Variants in LCORL observed in about 807,000 individuals in gnomAD.
LCORL encodes the protein ligand-dependent nuclear receptor corepressor-like protein.
In LCORL, 41 loss-of-function variants were observed where a neutral mutation model predicts 141.8. The observed-to-expected ratio is 0.29, with a 90% CI of 0.23 to 0.38. The LOEUF (loss-of-function observed/expected upper bound fraction) is 0.38, where lower values mean the gene tolerates loss of function less well. LCORL is among the 10% of genes least tolerant of loss of function. The pLI, the probability that LCORL is intolerant of heterozygous loss-of-function variation, is 1.00. For synonymous variants in LCORL, 618 were observed against 694.1 expected (o/e 0.89, Z 1.72); for missense variants, 1,759 against 2,035.0 (o/e 0.86, Z 2.61).
intron 7 of LCORL, among the ~76,000 whole-genome samples, chr4:17,872,251 A>C (rs1726433374): frequency 6.6e-6 from 1 of 152,076 alleles, no homozygotes; most frequent in African/African-American, 2.4e-5. Flanking sequence ...CTTATCAATA[A>C]GAAGAGCTGG....
chr4:18,010,386 A>ATG (rs752687793), intron 1 of LCORL, among the ~76,000 whole-genome samples: 2 of 142,796 alleles, frequency 1.4e-5, no homozygotes, highest in Admixed American at 6.9e-5. Context: ...ACATATATAT[A>ATG]TGTGTGTGTG....
intron 5 of LCORL, chr4:17,893,681 T>TA: frequency 8.4e-6 from 6 of 710,598 alleles, no homozygotes; most frequent in Non-Finnish European, 1.0e-5. Context: ...AATGCATAAT[T>TA]TGCATTGAAA....
intron 4 of LCORL, among the ~76,000 whole-genome samples, chr4:17,940,334 T>C (rs986760438): frequency 4.6e-5 from 5 of 109,836 alleles, no homozygotes; most frequent in Admixed American, 2.3e-4. Flanking sequence ...AGGACTCCTC[T>C]GTCAGTGTGG....
chr4:17,854,096 C>T (rs1479424356), intron 7 of LCORL, among the ~76,000 whole-genome samples: 1 of 152,026 alleles, frequency 6.6e-6, no homozygotes, highest in Non-Finnish European at 1.5e-5. Flanking sequence ...TGATAACGGT[C>T]TTTAGGGATA....
chr4:17,864,319 G>T (rs1429512429), intron 7 of LCORL, among the ~76,000 whole-genome samples: 1 of 152,020 alleles, frequency 6.6e-6, no homozygotes, highest in Admixed American at 6.6e-5. Context: ...CCACCTCCCA[G>T]ACTCAAGTGA....
chr4:17,842,993 T>C, exon 8 of LCORL: 1 of 180,426 alleles, frequency 5.5e-6, no homozygotes, highest in South Asian at 1.6e-4. Flanking sequence ...CAAAGAAATC[T>C]CTTTTGGACA....
intron 4 of LCORL, among the ~76,000 whole-genome samples, chr4:17,945,737 G>T (rs1438295628): frequency 6.6e-6 from 1 of 151,692 alleles, no homozygotes; most frequent in Non-Finnish European, 1.5e-5. Context: ...AAGAATTCTG[G>T]ATTAGAGTTT....
chr4:17,849,682 TATC>T (rs1226703158), intron 7 of LCORL, among the ~76,000 whole-genome samples: 1 of 152,124 alleles, frequency 6.6e-6, no homozygotes, highest in Non-Finnish European at 1.5e-5. Flanking sequence ...GAAGAATCAA[TATC>T]ATGAAAATGG....
At chr4:17,913,278 C>A (rs1403278654) in intron 4 of LCORL, among the ~76,000 whole-genome samples, 1 of 152,164 alleles carries the variant, frequency 6.6e-6, no homozygotes, top group Non-Finnish European at 1.5e-5. Flanking sequence ...GTGCCAAGAC[C>A]ATTGCGACCA....
exon 7 of LCORL, chr4:17,874,152 A>C: frequency 8.1e-7 from 1 of 1,233,992 alleles, no homozygotes; most frequent in East Asian, 3.2e-5. Flanking sequence ...ATGGTTGTGC[A>C]GCTTTCCCTC....
At chr4:17,898,826 A>G (rs1730404030) in intron 5 of LCORL, among the ~76,000 whole-genome samples, 1 of 152,170 alleles carries the variant, frequency 6.6e-6, no homozygotes, top group Non-Finnish European at 1.5e-5. Flanking sequence ...AGGTGTAATT[A>G]AAGGCTTGAT....
At chr4:17,989,598 T>C (rs1719612702) in intron 1 of LCORL, among the ~76,000 whole-genome samples, 1 of 152,210 alleles carries the variant, frequency 6.6e-6, no homozygotes, top group Non-Finnish European at 1.5e-5. Flanking sequence ...CAGTAAAAAC[T>C]TGACTGTGTA....
At chr4:17,962,890 C>T (rs1381844982) in intron 3 of LCORL, 80 bp downstream of exon 3, 2 of 709,268 alleles carry the variant, frequency 2.8e-6, no homozygotes, top group African/African-American at 3.7e-5. Flanking sequence ...CACAAATTTT[C>T]AAAACAAATT....
exon 8 of LCORL, chr4:17,843,365 C>T (rs756450442): frequency 4.2e-5 from 68 of 1,611,738 alleles, no homozygotes; most frequent in Middle Eastern, 1.6e-4. Flanking sequence ...GAGCCAAAAC[C>T]GCAGCACTAG....
intron 5 of LCORL, among the ~76,000 whole-genome samples, chr4:17,904,368 T>C (rs940665080): frequency 1.3e-5 from 2 of 152,120 alleles, no homozygotes; most frequent in Non-Finnish European, 2.9e-5. Context: ...CAGATGAGGC[T>C]TGACATTTCA....
intron 6 of LCORL, among the ~76,000 whole-genome samples, chr4:17,878,495 T>A (rs945927099): frequency 6.6e-6 from 1 of 151,484 alleles, no homozygotes; most frequent in Non-Finnish European, 1.5e-5. Flanking sequence ...CTGTTTTTAA[T>A]GTATTAAGAA....
At chr4:17,891,769 C>A (rs1729113690) in intron 5 of LCORL, among the ~76,000 whole-genome samples, 1 of 152,024 alleles carries the variant, frequency 6.6e-6, no homozygotes, top group African/African-American at 2.4e-5. Context: ...CAAGAACCCC[C>A]AAATAAAATG....
At chr4:17,906,143 G>A (rs1208252109) in intron 5 of LCORL, among the ~76,000 whole-genome samples, 2 of 152,098 alleles carry the variant, frequency 1.3e-5, no homozygotes, top group Non-Finnish European at 2.9e-5. Context: ...GTGTTAGTGG[G>A]TACATATACA....
intron 1 of LCORL, among the ~76,000 whole-genome samples, chr4:18,002,390 C>T (rs185255104): frequency 7.2e-5 from 11 of 151,814 alleles, no homozygotes; most frequent in Admixed American, 4.6e-4. Flanking sequence ...GCACCACTCC[C>T]GCCTCTCACA....
Sources: allele counts gnomAD v4.1 joint callset (sites outside exome capture counted in the v4.1 genomes callset), GRCh38; gene constraint gnomAD v4.1.1; transcripts MANE v1.5; gene names NCBI Gene and HGNC (gene_info 2026-07-23, HGNC 2026-07-21).